The following MTUS2 variants were observed in gnomAD, a reference collection of about 807,000 sequenced individuals.
MTUS2 encodes microtubule-associated tumor suppressor candidate 2.
Under a neutral mutation model 114.1 loss-of-function variants are expected in MTUS2, and 40 were observed. The ratio of observed to expected loss-of-function variants is 0.35; its 90% CI spans 0.27 to 0.46. The LOEUF (loss-of-function observed/expected upper bound fraction) is 0.46, where lower values mean the gene tolerates loss of function less well. Among genes scored for constraint, MTUS2 ranks in the 20% least tolerant of loss-of-function variants. The pLI is 1.00. For synonymous variants in MTUS2, 688 were observed against 672.0 expected (o/e 1.02, Z -0.37); for missense variants, 1,679 against 1,705.4 (o/e 0.98, Z 0.27).
intron 9 of MTUS2, among the ~76,000 whole-genome samples, chr13:29,456,100 T>A (rs185902012): frequency 1.8e-3 from 278 of 152,316 alleles, no homozygotes; most frequent in African/African-American, 6.4e-3. Flanking sequence ...GTTCTAGCAC[T>A]TCTAGAAATA....
intron 5 of MTUS2, among the ~76,000 whole-genome samples, chr13:29,138,466 G>A (rs979761297): frequency 4.1e-5 from 6 of 147,628 alleles, no homozygotes; most frequent in Non-Finnish European, 8.9e-5. Context: ...TAAAAGATAT[G>A]TATATAAATT....
chr13:29,053,503 A>G (rs1887997018), intron 4 of MTUS2, among the ~76,000 whole-genome samples: 1 of 152,236 alleles, frequency 6.6e-6, no homozygotes, highest in Non-Finnish European at 1.5e-5. Context: ...GGTCAAACCT[A>G]GCTGAATTAA....
chr13:28,846,672 A>C (rs1485491937), intron 2 of MTUS2, among the ~76,000 whole-genome samples: 2 of 152,234 alleles, frequency 1.3e-5, no homozygotes, highest in Non-Finnish European at 2.9e-5. Context: ...TGCATTCAGA[A>C]AACAAAGTAG....
At chr13:29,232,346 A>G (rs993543060) in intron 5 of MTUS2, among the ~76,000 whole-genome samples, 4 of 151,908 alleles carry the variant, frequency 2.6e-5, no homozygotes, top group African/African-American at 9.7e-5. Context: ...ATATGGGCAC[A>G]CACATGTATA....
At chr13:28,850,769 A>G (rs1323419868) in intron 2 of MTUS2, among the ~76,000 whole-genome samples, 1 of 152,226 alleles carries the variant, frequency 6.6e-6, no homozygotes, top group African/African-American at 2.4e-5. Flanking sequence ...TCAGACAGAT[A>G]TATTAAAATT....
intron 10 of MTUS2, among the ~76,000 whole-genome samples, chr13:29,481,796 A>G (rs1593496798): frequency 6.6e-6 from 1 of 152,178 alleles, no homozygotes; most frequent in Non-Finnish European, 1.5e-5. Flanking sequence ...TCTTTCCTAG[A>G]GGCCTATAAA....
intron 5 of MTUS2, among the ~76,000 whole-genome samples, chr13:29,278,059 T>G (rs889242728): frequency 6.6e-6 from 1 of 152,204 alleles, no homozygotes; most frequent in Non-Finnish European, 1.5e-5. Flanking sequence ...TGGCAGATAA[T>G]GCAAGGAACT....
At chr13:29,321,414 T>A (rs1346786401) in intron 6 of MTUS2, among the ~76,000 whole-genome samples, 1 of 152,188 alleles carries the variant, frequency 6.6e-6, no homozygotes, top group East Asian at 1.9e-4. Context: ...AGGCTGAGTC[T>A]AGATTGTAAA....
At chr13:29,438,203 G>GAGT (rs1877558066) in intron 8 of MTUS2, among the ~76,000 whole-genome samples, 1 of 152,134 alleles carries the variant, frequency 6.6e-6, no homozygotes, top group Admixed American at 6.5e-5. Flanking sequence ...TTGAGATACA[G>GAGT]AGTAGGATTA....
chr13:29,417,796 C>G (rs921659965), intron 8 of MTUS2, among the ~76,000 whole-genome samples: 1 of 152,006 alleles, frequency 6.6e-6, no homozygotes. Context: ...TGGCTATTTT[C>G]TTGGAAAAAA....
At chr13:29,262,616 G>A (rs934348726) in intron 5 of MTUS2, among the ~76,000 whole-genome samples, 1 of 151,880 alleles carries the variant, frequency 6.6e-6, no homozygotes, top group Non-Finnish European at 1.5e-5. Flanking sequence ...CTAGCTCTGG[G>A]ACACTGAGAT....
chr13:28,847,786 A>G (rs2138015751), intron 2 of MTUS2, among the ~76,000 whole-genome samples: 1 of 152,254 alleles, frequency 6.6e-6, no homozygotes, highest in Middle Eastern at 3.4e-3. Context: ...AGCCCTGAAG[A>G]CTGATGCTGT....
intron 8 of MTUS2, among the ~76,000 whole-genome samples, chr13:29,433,019 G>T (rs910670995): frequency 6.6e-6 from 1 of 152,180 alleles, no homozygotes; most frequent in African/African-American, 2.4e-5. Flanking sequence ...GGATTAAAAC[G>T]CAGGCAACTG....
At chr13:29,171,300 G>A (rs1028274178) in intron 5 of MTUS2, among the ~76,000 whole-genome samples, 24 of 152,158 alleles carry the variant, frequency 1.6e-4, no homozygotes, top group African/African-American at 5.6e-4. Flanking sequence ...GATAAATATG[G>A]AACGTTGAGC....
chr13:29,485,964 T>C (rs1881587196), intron 10 of MTUS2, among the ~76,000 whole-genome samples: 1 of 152,222 alleles, frequency 6.6e-6, no homozygotes, highest in Admixed American at 6.5e-5. Context: ...GTTTTTACAG[T>C]GTGCCATGGC....
At chr13:28,834,275 C>T (rs1379707934) in intron 1 of MTUS2, among the ~76,000 whole-genome samples, 1 of 152,072 alleles carries the variant, frequency 6.6e-6, no homozygotes, top group African/African-American at 2.4e-5. Flanking sequence ...AATTTCAAAA[C>T]TTAACACAAA....
rs1009593725 is a variant in MTUS2 at position 28,853,077 on chromosome 13, C to T, written c.-243+13227C>T. 4.6e-5 allele frequency among the ~76,000 whole-genome samples: 6 copies of T among 130,418 alleles called. No individual in the cohort carries two copies. In the South Asian group the frequency reaches 7.1e-4, roughly 15 times the overall value. 85.6% of individuals were successfully genotyped at this position (130,418 alleles called of 152,430 possible). ...AGGTCTGAGATTGTATTCTAATCAA[C>T]AGTTACTTAAATGTTCTGTTGTCTT... is the stretch of plus-strand genomic sequence containing the variant. On this transcript the variant is annotated intron_variant, in intron 2 of 15. Transcript: ENST00000612955.
At chr13:28,960,660 TAA>T (rs1883286565) in intron 2 of MTUS2, among the ~76,000 whole-genome samples, 2 of 152,146 alleles carry the variant, frequency 1.3e-5, no homozygotes, top group African/African-American at 4.8e-5. Context: ...GGCAAATCTA[TAA>T]AGACAGAAAA....
chr13:29,290,592 A>G (rs1311663608), intron 6 of MTUS2, among the ~76,000 whole-genome samples: 1 of 151,904 alleles, frequency 6.6e-6, no homozygotes, highest in African/African-American at 2.4e-5. Flanking sequence ...GGCCTCCCAA[A>G]GTGCTGGGAT....
Sources: gnomAD v4.1 joint callset for allele counts (sites outside exome capture counted in the v4.1 genomes callset) on GRCh38, gnomAD v4.1.1 for gene constraint, MANE v1.5 for transcripts, NCBI Gene and HGNC (gene_info 2026-07-23, HGNC 2026-07-21) for gene names.